ERCC1: variants seen among roughly 807,000 people sequenced by gnomAD.
ERCC1 encodes the protein ERCC excision repair 1, endonuclease non-catalytic subunit.
ERCC1 carries 36 observed loss-of-function variants against 37.6 expected under a neutral mutation model. The ratio of observed to expected loss-of-function variants is 0.96; its 90% CI spans 0.73 to 1.26. The LOEUF is 1.26. Ranked by LOEUF, ERCC1 falls within the 50% of genes most tolerant of loss-of-function variation. ERCC1 has a pLI of 0.00. For missense variants in ERCC1, 349 were observed against 376.5 expected, an observed-to-expected ratio of 0.93 and a Z score of 0.60; for synonymous variants, 156 against 162.1, an observed-to-expected ratio of 0.96 and a Z score of 0.28.
At chr19:45,412,384 C>G (rs1973796341) in intron 9 of ERCC1, among the ~76,000 whole-genome samples, 1 of 152,014 alleles carries the variant, frequency 6.6e-6, no homozygotes, top group Non-Finnish European at 1.5e-5. Flanking sequence ...ATCTTGAACT[C>G]CTGGCCTCAA....
rs1974237998 is a variant in ERCC1 at position 45,419,079 on chromosome 19, G to C, written c.525+19C>G. 1 of 1,528,136 alleles carries C rather than the reference G, an allele frequency of 6.5e-7. No homozygotes were observed. Among genetic ancestry groups the C allele is most frequent in the African/African-American group, 1.4e-5 (1 of 72,850 alleles). 94.7% of individuals were successfully genotyped at this position (1,528,136 alleles called of 1,614,324 possible). On this transcript the variant is annotated intron_variant, in intron 5 of 9. Transcript: ENST00000300853. ...CCTCAAAGCCCGGTGAGGCTGGCTAGGGAGCAGCCCCTGCTTACCACATCC... is the reference window on the plus strand; with the variant it reads ...CCTCAAAGCCCGGTGAGGCTGGCTACGGAGCAGCCCCTGCTTACCACATCC...
chr19:45,421,839 T>C (rs904501085), intron 2 of ERCC1, among the ~76,000 whole-genome samples: 1 of 151,710 alleles, frequency 6.6e-6, no homozygotes, highest in African/African-American at 2.4e-5. Flanking sequence ...CAACATGTTG[T>C]CCAGGCTGAT....
rs572179126 is a variant in ERCC1 at position 45,420,313 on chromosome 19, G to C, written c.425+11C>G. Reference sequence around the variant, plus strand: ...CCTTCCTGAAGTCTGGGGTGGCGCCGCAGAGCTCACCTGAGGAACAGGGCA... The same window carrying C: ...CCTTCCTGAAGTCTGGGGTGGCGCCCCAGAGCTCACCTGAGGAACAGGGCA... On this transcript the variant is annotated intron_variant, in intron 4 of 9. Coordinates refer to ENST00000300853, the MANE Select transcript of ERCC1 (RefSeq NM_001983.4). This position sits in a 1 kb window ranked among gnomAD's most constrained non-coding sequence, Gnocchi z 4.8. 1 of 1,589,274 alleles carries C rather than the reference G, an allele frequency of 6.3e-7. No homozygotes were observed. Among genetic ancestry groups the C allele is most frequent in the South Asian group, 1.1e-5 (1 of 89,652 alleles).
In ERCC1 at chr19:45,423,350, CCT is replaced by C. The variant is rs1568589801; in HGVS notation, c.23_24del (p.Glu8GlyfsTer22). 1 of 1,613,436 alleles carries C rather than the reference CCT, an allele frequency of 6.2e-7. No individual in the cohort carries two copies. The highest frequency in any genetic ancestry group is 1.7e-5 in the Admixed American group (1 of 59,926). On this transcript the variant is annotated frameshift_variant, in exon 2 of 10. Transcript: ENST00000300853. LOFTEE classifies it high-confidence loss of function. MDPGKDK[E>X]GVPQPSGPPA... ...GGCGGCCCTGAGGGCTGGGGCACCC[CCT>C]CTTTGTCCTTCCCAGGGTCCATCTG... is the stretch of plus-strand genomic sequence containing the variant.
chr19:45,408,164 T>G lies in ERCC1; in HGVS notation c.*1511A>C, dbSNP rs1450504139. 1 of 1,608,692 alleles carries G rather than the reference T, an allele frequency of 6.2e-7. No individual in the cohort carries two copies. Among genetic ancestry groups the G allele is most frequent in the Non-Finnish European group, 8.5e-7 (1 of 1,176,116 alleles). ...TGGGCGGCATGTGCCTCTCTCTGGC[T>G]CCCAGATCGTCAAGGGCAAATTGGC... On this transcript the variant is annotated 3_prime_UTR_variant, in exon 10 of 10. Coordinates refer to ENST00000300853, the MANE Select transcript of ERCC1 (RefSeq NM_001983.4).
intron 4 of ERCC1, 61 bp from the exon 5 acceptor site, chr19:45,419,258 T>C: frequency 2.5e-6 from 3 of 1,182,630 alleles, no homozygotes; most frequent in Non-Finnish European, 3.7e-6. Flanking sequence ...CCCAAAGCCC[T>C]TTTCCCTCTC....
chr19:45,441,682 T>G (rs192186709), intron 1 of ERCC1, among the ~76,000 whole-genome samples: 1,891 of 151,110 alleles, frequency 0.013, 24 homozygotes, highest in Non-Finnish European at 0.018. Context: ...GCCTAATTTT[T>G]TTTTTTTTTT....
At chr19:45,418,066 A>C (rs1277327444) in intron 5 of ERCC1, among the ~76,000 whole-genome samples, 1 of 151,952 alleles carries the variant, frequency 6.6e-6, no homozygotes, top group South Asian at 2.1e-4. Context: ...GTCTCTAAAA[A>C]TTAAAAAAAA....
At chr19:45,444,250 T>C in intron 1 of ERCC1, among the ~76,000 whole-genome samples, 1 of 146,520 alleles carries the variant, frequency 6.8e-6, no homozygotes, top group East Asian at 2.0e-4. Flanking sequence ...TCTCCCCAAA[T>C]CCTGTTCCCC....
intron 9 of ERCC1, among the ~76,000 whole-genome samples, chr19:45,412,026 T>G (rs1367590318): frequency 6.6e-6 from 1 of 150,652 alleles, no homozygotes; most frequent in East Asian, 2.0e-4. Flanking sequence ...CCAGCTAATT[T>G]TTTTTTGTAT....
upstream of ERCC1, among the ~76,000 whole-genome samples, chr19:45,428,452 C>G (rs1420399992): frequency 1.3e-5 from 2 of 152,128 alleles, no homozygotes; most frequent in Non-Finnish European, 2.9e-5. Context: ...TCCCCGGCTC[C>G]CAGAGTTGCG....
At chr19:45,425,204 T>G (rs916753228), upstream of ERCC1, among the ~76,000 whole-genome samples, 1 of 150,232 alleles carries the variant, frequency 6.7e-6, no homozygotes, top group Non-Finnish European at 1.5e-5. Context: ...CCTCCCAAAG[T>G]GCTGGGATTA....
chr19:45,419,418 A>G, intron 4 of ERCC1: 1 of 547,656 alleles, frequency 1.8e-6, no homozygotes, highest in East Asian at 3.2e-5. Flanking sequence ...TACCTAGAAG[A>G]CCAGACCCCT....
intron 6 of ERCC1, chr19:45,416,542 C>T (rs1004180245): frequency 1.1e-5 from 5 of 445,328 alleles, no homozygotes; most frequent in Middle Eastern, 6.3e-4. Flanking sequence ...ATCCCAGCTA[C>T]TTGGGAGGCT....
intron 1 of ERCC1, among the ~76,000 whole-genome samples, chr19:45,433,610 C>T (rs1369563043): frequency 1.3e-5 from 2 of 151,712 alleles, no homozygotes; most frequent in South Asian, 4.2e-4. Context: ...ATTGCTTGAA[C>T]CCGGGAGACA....
At chr19:45,423,976 A>C, upstream of ERCC1, 1 of 1,065,398 alleles carries the variant, frequency 9.4e-7, no homozygotes, top group Non-Finnish European at 1.1e-6. Flanking sequence ...ATCTCTGTAC[A>C]ACTCTCTATG....
intron 7 of ERCC1, 112 bp downstream of exon 7, chr19:45,414,749 G>C (rs988264995): frequency 3.8e-6 from 3 of 790,802 alleles, no homozygotes; most frequent in Non-Finnish European, 2.2e-6. Flanking sequence ...GATGGGCCAG[G>C]AAAGACGAGG....
intron 1 of ERCC1, among the ~76,000 whole-genome samples, chr19:45,447,805 T>C (rs556295734): frequency 6.6e-6 from 1 of 152,218 alleles, no homozygotes; most frequent in East Asian, 1.9e-4. Context: ...TCGGCAATTC[T>C]GGCTGGTTGC....
upstream of ERCC1, chr19:45,428,863 G>A (rs920022941): frequency 1.4e-4 from 21 of 152,224 alleles, no homozygotes; most frequent in African/African-American, 4.3e-4. Flanking sequence ...CCCGAGTGGA[G>A]GGGGGCGGCT....
Sources: allele counts gnomAD v4.1 joint callset (sites outside exome capture counted in the v4.1 genomes callset), GRCh38; gene constraint gnomAD v4.1.1; non-coding constraint Gnocchi (gnomAD v3.1); transcripts MANE v1.5; gene names NCBI Gene and HGNC (gene_info 2026-07-23, HGNC 2026-07-21).